Variants in ZIM2 observed in about 807,000 individuals in gnomAD.
ZIM2 encodes zinc finger imprinted 2.
In ZIM2, 14 loss-of-function variants were observed where a neutral mutation model predicts 38.6. The observed-to-expected ratio is 0.36, with a 90% CI of 0.24 to 0.57. The LOEUF is 0.57. ZIM2 is among the 20% of genes least tolerant of loss of function. The probability of loss-of-function intolerance (pLI) is 0.81; values close to 1 mark genes in which losing one functional copy is unlikely to be tolerated. For missense variants in ZIM2, 680 were observed against 695.1 expected, an observed-to-expected ratio of 0.98 and a Z score of 0.24; for synonymous variants, 247 against 245.8, an observed-to-expected ratio of 1.00 and a Z score of -0.04.
At chr19:56,832,159 C>T (rs759489873) in intron 2 of ZIM2, among the ~76,000 whole-genome samples, 2 of 152,160 alleles carry the variant, frequency 1.3e-5, no homozygotes, top group East Asian at 1.9e-4. Context: ...ATTTTAACTT[C>T]GCAATCAGGA....
intron 9 of ZIM2, chr19:56,815,976 C>T (rs941254549): frequency 2.5e-6 from 4 of 1,583,204 alleles, no homozygotes; most frequent in Admixed American, 3.6e-5. Flanking sequence ...CAGAGGTGTT[C>T]CCTCCAGCAC....
chr19:56,821,750 C>T lies in ZIM2; in HGVS notation c.195G>A (p.Met65Ile). 1.2e-6 allele frequency: 2 copies of T among 1,613,870 alleles called. No homozygotes were observed. Among genetic ancestry groups the T allele is most frequent in the East Asian group, 2.2e-5 (1 of 44,872 alleles). The change falls in exon 7 of 13, where the codon ATG (methionine) becomes ATA (isoleucine). Residue 65 changes from methionine (M) to isoleucine (I), a missense_variant. Physicochemically the swap from Met to Ile is conservative, Grantham distance 10. Transcript: ENST00000629319. ...WSHTRNPRSR[M>I]PPRDLSLPVV... ...CAGGAAGGGAAAGATCCCGCGGAGG[C>T]ATCCCTGGGAAGAAAAAAGGCATCA...
intron 1 of ZIM2, among the ~76,000 whole-genome samples, chr19:56,837,349 G>A (rs1031789116): frequency 1.3e-5 from 2 of 152,162 alleles, no homozygotes; most frequent in South Asian, 2.1e-4. Context: ...ACCTCCAGCT[G>A]TACGATTTTG....
intron 12 of ZIM2, 71 bp from the exon 13 acceptor site, chr19:56,775,600 A>G: frequency 6.6e-7 from 1 of 1,516,226 alleles, no homozygotes; most frequent in Non-Finnish European, 8.8e-7. Context: ...TGATATTTCT[A>G]TAGGCAGGCT....
chr19:56,789,447 A>G (rs2046808059), intron 10 of ZIM2, among the ~76,000 whole-genome samples: 1 of 152,176 alleles, frequency 6.6e-6, no homozygotes, highest in African/African-American at 2.4e-5. Flanking sequence ...ACCCTTCAGC[A>G]TATTATTTAG....
chr19:56,833,277 T>A (rs2061754761), intron 2 of ZIM2: 1 of 451,616 alleles, frequency 2.2e-6, no homozygotes, highest in Non-Finnish European at 4.4e-6. Context: ...GCCCCCTAAC[T>A]CGTTCTACCT....
At position 56,774,674 on chromosome 19, in the gene ZIM2, T is replaced by C. The variant is rs1223380676; in HGVS notation, c.*14A>G. 3 of 1,609,890 alleles carry C rather than the reference T, an allele frequency of 1.9e-6. No homozygotes were observed. The highest frequency in any genetic ancestry group is 2.5e-6 in the Non-Finnish European group (3 of 1,177,224). ...ATAATGTTGAGAAAAGTGTGTGCTG[T>C]GACTAAAGGTTTCTCAACAGTGATC... On this transcript the variant is annotated 3_prime_UTR_variant, in exon 13 of 13. Transcript: ENST00000629319.
chr19:56,789,249 T>A (rs1006837333), intron 10 of ZIM2, among the ~76,000 whole-genome samples: 10 of 152,222 alleles, frequency 6.6e-5, no homozygotes, highest in Admixed American at 3.9e-4. Flanking sequence ...TGCTAAAAAT[T>A]TATTTGTAGT....
intron 9 of ZIM2, chr19:56,813,403 C>T (rs569954278): frequency 1.6e-6 from 2 of 1,257,732 alleles, no homozygotes; most frequent in African/African-American, 3.0e-5. Flanking sequence ...CTGGAATACT[C>T]ATAGGGTTTT....
intron 9 of ZIM2, chr19:56,815,139 G>A (rs2059854958): frequency 1.9e-6 from 3 of 1,613,936 alleles, no homozygotes; most frequent in Non-Finnish European, 1.7e-6. Context: ...TGTCATCAGG[G>A]TCATCCTTCT....
intron 6 of ZIM2, among the ~76,000 whole-genome samples, 197 bp from the exon 7 acceptor site, chr19:56,821,951 G>A (rs1331794565): frequency 6.6e-6 from 1 of 151,836 alleles, no homozygotes; most frequent in East Asian, 1.9e-4. Flanking sequence ...CCCAGGGCAG[G>A]GCCAGGGGCC....
chr19:56,827,416 T>TA (rs552416128), intron 2 of ZIM2, among the ~76,000 whole-genome samples: 1,889 of 147,052 alleles, frequency 0.013, 21 homozygotes, highest in African/African-American at 0.017. Context: ...AGAAAAACCT[T>TA]AAAAAAAAAA....
chr19:56,827,638 T>A (rs2061174230), intron 2 of ZIM2, among the ~76,000 whole-genome samples: 1 of 152,230 alleles, frequency 6.6e-6, no homozygotes, highest in African/African-American at 2.4e-5. Flanking sequence ...TCTACTTCTA[T>A]GAATTTACCT....
chr19:56,808,778 G>A (rs531682952), intron 9 of ZIM2, among the ~76,000 whole-genome samples: 1 of 152,152 alleles, frequency 6.6e-6, no homozygotes, highest in Non-Finnish European at 1.5e-5. Flanking sequence ...AGGGCAGGCA[G>A]TTCAGCCAGA....
At position 56,815,471 on chromosome 19, in the gene ZIM2, G is replaced by C. The variant is rs145003090; in HGVS notation, c.490+2275C>G. 297 of 1,614,086 alleles carry C rather than the reference G, an allele frequency of 1.8e-4. 1 individual carries two copies. The East Asian group carries it at 5.9e-3, about 32-fold the overall frequency. ...CTTCCAGAGGGCTTCTCCCTATCAT[G>C]AATCTTCTGGTGCTCAGTGAGGTCA... is the stretch of plus-strand genomic sequence containing the variant. On this transcript the variant is annotated intron_variant, in intron 9 of 12. Transcript: ENST00000629319.
chr19:56,839,557 C>T (rs921500870), intron 1 of ZIM2, among the ~76,000 whole-genome samples: 16 of 147,704 alleles, frequency 1.1e-4, no homozygotes, highest in African/African-American at 3.0e-4. Context: ...GGCGTCAAAG[C>T]GGGCGGGGCC....
Position 56,814,922 on chromosome 19 carries a change from G to T in ZIM2, c.490+2824C>A. ...TGATGCTCGAAAAGGAATGAGCTAT[G>T]AATAAAAGATTCCCCACACTTTGGA... is the stretch of plus-strand genomic sequence containing the variant. On this transcript the variant is annotated intron_variant, in intron 9 of 12. Coordinates refer to ENST00000629319, the MANE Select transcript of ZIM2 (RefSeq NM_001387356.1). The surrounding 1 kb of genome is among the most constrained non-coding windows in gnomAD (Gnocchi z 5.8). 1 of 1,614,154 alleles carries T rather than the reference G, an allele frequency of 6.2e-7. No homozygotes were observed. The highest frequency in any genetic ancestry group is 8.5e-7 in the Non-Finnish European group (1 of 1,180,020).
At chr19:56,817,645 G>A in intron 9 of ZIM2, 101 bp downstream of exon 9, 1 of 1,512,716 alleles carries the variant, frequency 6.6e-7, no homozygotes, top group Non-Finnish European at 9.1e-7. Flanking sequence ...GACTTGGAGG[G>A]GTGCACCCTT....
rs371929007 is a variant in ZIM2, at chr19:56,823,696, C to T, written c.17-17G>A. On this transcript the variant is annotated splice_polypyrimidine_tract_variant and intron_variant, in intron 4 of 12. Transcript: ENST00000629319. The stretch of plus-strand genomic sequence containing the variant: ...TGTTGTCGTCTAAGAGGACACCGGT[C>T]GCCAAGTTACTATCTCTGGCCCACA... 8.1e-6 allele frequency: 13 copies of T among 1,613,882 alleles called. No homozygotes were observed. Among genetic ancestry groups the T allele is most frequent in the Admixed American group, 6.7e-5 (4 of 59,998 alleles).
Sources: gnomAD v4.1 joint callset for allele counts (sites outside exome capture counted in the v4.1 genomes callset) on GRCh38, gnomAD v4.1.1 for gene constraint, Gnocchi (gnomAD v3.1) non-coding constraint, MANE v1.5 for transcripts, NCBI Gene and HGNC (gene_info 2026-07-23, HGNC 2026-07-21) for gene names.